Variants in BRINP3 observed in about 807,000 individuals in gnomAD.
BRINP3 encodes BMP/retinoic acid-inducible neural-specific protein 3.
BRINP3 carries 19 observed loss-of-function variants against 71.0 expected under a neutral mutation model. The observed-to-expected ratio is 0.27, with a 90% CI of 0.19 to 0.39. The LOEUF (loss-of-function observed/expected upper bound fraction) is 0.39, where lower values mean the gene tolerates loss of function less well. BRINP3 is among the 10% of genes least tolerant of loss of function. The pLI is 1.00. For missense variants in BRINP3, 959 were observed against 940.8 expected, an observed-to-expected ratio of 1.02 and a Z score of -0.25; for synonymous variants, 380 against 337.7, an observed-to-expected ratio of 1.13 and a Z score of -1.37.
At chr1:190,155,055 A>G (rs1656748006) in intron 7 of BRINP3, among the ~76,000 whole-genome samples, 1 of 152,122 alleles carries the variant, frequency 6.6e-6, no homozygotes, top group Non-Finnish European at 1.5e-5. Context: ...GGCTTTTCTC[A>G]TGAGTCCAAT....
intron 2 of BRINP3, among the ~76,000 whole-genome samples, chr1:190,352,818 G>A (rs1275005342): frequency 6.6e-6 from 1 of 150,552 alleles, no homozygotes; most frequent in African/African-American, 2.4e-5. Flanking sequence ...TTCTTTCAGA[G>A]TGATTATACT....
intron 2 of BRINP3, among the ~76,000 whole-genome samples, chr1:190,382,097 C>T (rs1670585046): frequency 6.6e-6 from 1 of 151,972 alleles, no homozygotes; most frequent in African/African-American, 2.4e-5. Flanking sequence ...ATATATTTTT[C>T]TACTTCTGGA....
chr1:190,450,000 G>T (rs775299454), intron 2 of BRINP3, among the ~76,000 whole-genome samples: 2 of 151,990 alleles, frequency 1.3e-5, no homozygotes, highest in African/African-American at 2.4e-5. Context: ...TTTAAATAGA[G>T]AAAAATATTT....
intron 2 of BRINP3, among the ~76,000 whole-genome samples, chr1:190,344,246 T>C (rs1667863667): frequency 6.6e-6 from 1 of 151,856 alleles, no homozygotes; most frequent in African/African-American, 2.4e-5. Context: ...TTGTTTAACA[T>C]ACATTAATTT....
chr1:190,368,335 G>A (rs1446001463), intron 2 of BRINP3, among the ~76,000 whole-genome samples: 1 of 152,026 alleles, frequency 6.6e-6, no homozygotes, highest in Non-Finnish European at 1.5e-5. Flanking sequence ...GGAATATCAT[G>A]AGGGTCACCA....
chr1:190,105,350 T>C (rs906167293), intron 7 of BRINP3, among the ~76,000 whole-genome samples: 2 of 152,058 alleles, frequency 1.3e-5, no homozygotes, highest in African/African-American at 4.8e-5. Flanking sequence ...TATCTACTAA[T>C]AATTTTGGCT....
At chr1:190,380,190 T>C (rs1670461061) in intron 2 of BRINP3, among the ~76,000 whole-genome samples, 1 of 152,080 alleles carries the variant, frequency 6.6e-6, no homozygotes, top group Non-Finnish European at 1.5e-5. Context: ...GTTTGGGATA[T>C]GAGGACGGAG....
chr1:190,337,189 A>G (rs558309376), intron 2 of BRINP3, among the ~76,000 whole-genome samples: 1 of 151,946 alleles, frequency 6.6e-6, no homozygotes, highest in South Asian at 2.1e-4. Flanking sequence ...TTCTCTATGT[A>G]CCCCACTCCT....
chr1:190,416,016 C>T (rs567109706), intron 2 of BRINP3, among the ~76,000 whole-genome samples: 1 of 152,150 alleles, frequency 6.6e-6, no homozygotes, highest in East Asian at 1.9e-4. Context: ...GTCTCAGCCA[C>T]ATTCAATATG....
intron 4 of BRINP3, among the ~76,000 whole-genome samples, chr1:190,251,732 G>A (rs968885560): frequency 6.6e-6 from 1 of 151,700 alleles, no homozygotes; most frequent in African/African-American, 2.4e-5. Context: ...CAATATGGGA[G>A]GAGTAGAATG....
rs76387064 is a variant in BRINP3 at position 190,295,982 on chromosome 1, A to T, written c.237-14232T>A. ...CAATGTAATGTACCTGCAAGGTAAC[A>T]ATCACTGGGAACTTCTAATTGGCCA... On this transcript the variant is annotated intron_variant, in intron 2 of 7. Transcript: ENST00000367462. Among the ~76,000 whole-genome samples the T allele has an allele frequency of 5.4e-3, 822 of 152,012 alleles. 42 individuals are homozygous for T. The East Asian group carries it at 0.1, about 19-fold the overall frequency.
At chr1:190,259,125 G>T (rs1383113797) in intron 4 of BRINP3, among the ~76,000 whole-genome samples, 1 of 151,404 alleles carries the variant, frequency 6.6e-6, no homozygotes, top group Non-Finnish European at 1.5e-5. Flanking sequence ...GAAGTGGAAG[G>T]AATATTTCCC....
chr1:190,161,791 A>G (rs1417500130), intron 6 of BRINP3, among the ~76,000 whole-genome samples: 1 of 152,228 alleles, frequency 6.6e-6, no homozygotes, highest in Admixed American at 6.5e-5. Context: ...ATACAATAGA[A>G]TATTATTCAG....
At chr1:190,440,462 A>G (rs1250427612) in intron 2 of BRINP3, among the ~76,000 whole-genome samples, 1 of 151,976 alleles carries the variant, frequency 6.6e-6, no homozygotes, top group Admixed American at 6.6e-5. Flanking sequence ...TTCTATATAC[A>G]GTGATGTTAT....
chr1:190,317,064 C>T (rs745589584), intron 2 of BRINP3, among the ~76,000 whole-genome samples: 3 of 149,392 alleles, frequency 2.0e-5, no homozygotes, highest in South Asian at 4.3e-4. Flanking sequence ...CCCAGCTACT[C>T]GGGAGGCTGA....
rs1233520048 is a variant in BRINP3, at chr1:190,264,985, G to A, written c.498C>T (p.Thr166=). Residue 166 remains threonine (T), a synonymous_variant, in exon 4 of 8, where the codon ACC becomes ACT. Coordinates refer to ENST00000367462, the MANE Select transcript of BRINP3 (RefSeq NM_199051.3). ...CCAGAGTGACCGAAGAGCTATTGGTGGTGGAATCACTTCCTTCAGCTCGTT... is the reference window on the plus strand; with the variant it reads ...CCAGAGTGACCGAAGAGCTATTGGTAGTGGAATCACTTCCTTCAGCTCGTT... The part of the protein sequence containing the change: ...LSKRAEGSDS[T]TNSSSVTLET... 40 of 1,611,240 alleles carry A rather than the reference G, an allele frequency of 2.5e-5. No individual in the cohort carries two copies. The highest frequency in any genetic ancestry group is 3.2e-5 in the Non-Finnish European group (38 of 1,179,024).
At chr1:190,325,121 C>CTGAT (rs1666494818) in intron 2 of BRINP3, among the ~76,000 whole-genome samples, 1 of 151,800 alleles carries the variant, frequency 6.6e-6, no homozygotes, top group South Asian at 2.1e-4. Context: ...GGTTGAAAGA[C>CTGAT]TGATACCCAG....
chr1:190,282,306 G>T (rs1019686366), intron 2 of BRINP3, among the ~76,000 whole-genome samples: 23 of 150,764 alleles, frequency 1.5e-4, no homozygotes, highest in Non-Finnish European at 2.2e-4. Flanking sequence ...TTCAGCTATT[G>T]CAATTTCTCA....
intron 6 of BRINP3, among the ~76,000 whole-genome samples, chr1:190,186,398 A>G (rs1469537308): frequency 6.6e-6 from 1 of 152,146 alleles, no homozygotes; most frequent in Non-Finnish European, 1.5e-5. Context: ...CAAACAAAAA[A>G]GTAAAATTAG....
Sources: allele counts gnomAD v4.1 joint callset (sites outside exome capture counted in the v4.1 genomes callset), GRCh38; gene constraint gnomAD v4.1.1; transcripts MANE v1.5; gene names NCBI Gene and HGNC (gene_info 2026-07-23, HGNC 2026-07-21).